ZRANB3: variants seen among roughly 807,000 people sequenced by gnomAD.
ZRANB3 encodes the protein zinc finger RANBP2-type containing 3.
Under a neutral mutation model 133.8 loss-of-function variants are expected in ZRANB3, and 125 were observed. That is an observed-to-expected ratio of 0.93 (90% confidence interval 0.81 to 1.08). The LOEUF (loss-of-function observed/expected upper bound fraction) is 1.08. Ranked by LOEUF, ZRANB3 falls within the 50% of genes least tolerant of loss-of-function variation. The pLI is 0.00. For synonymous variants in ZRANB3, 387 were observed against 432.7 expected, an observed-to-expected ratio of 0.89 and a Z score of 1.31; for missense variants, 1,229 against 1,275.5, an observed-to-expected ratio of 0.96 and a Z score of 0.56.
At chr2:135,497,154 A>G (rs1396875946) in intron 2 of ZRANB3, among the ~76,000 whole-genome samples, 3 of 152,362 alleles carry the variant, frequency 2.0e-5, no homozygotes, top group South Asian at 2.1e-4. Flanking sequence ...CTGTATTATA[A>G]ATATATAAAT....
intron 2 of ZRANB3, among the ~76,000 whole-genome samples, chr2:135,405,633 C>G (rs1052282533): frequency 1.1e-4 from 17 of 152,120 alleles, no homozygotes; most frequent in African/African-American, 3.4e-4. Flanking sequence ...TCAGACCACA[C>G]TGCAATCAAA....
At chr2:135,391,017 C>A (rs562208737) in intron 2 of ZRANB3, among the ~76,000 whole-genome samples, 197 bp from the exon 3 acceptor site, 1 of 151,960 alleles carries the variant, frequency 6.6e-6, no homozygotes, top group Non-Finnish European at 1.5e-5. Flanking sequence ...CGTGTCACCA[C>A]GCCCATCTAA....
Position 135,227,866 on chromosome 2 carries a change from C to T in ZRANB3, c.2104G>A (p.Glu702Lys), listed in dbSNP as rs1390703300. 6.3e-7 allele frequency: 1 copy of T among 1,575,858 alleles called. No individual in the cohort carries two copies. Among genetic ancestry groups the T allele is most frequent in the Admixed American group, 1.8e-5 (1 of 54,142 alleles). ...TCTTTCTCAATTTTTGGTGTTTCTT[C>T]CTTGCTGTCAGCCAACTGGCCAGGT... is the stretch of plus-strand genomic sequence containing the variant. ...SEPGQLADSK[E>K]ETPKIEKEDG... Residue 702 changes from glutamate (E) to lysine (K), a missense_variant, in exon 14 of 21, where the codon GAA becomes AAA. Physicochemically the swap from Glu to Lys is moderately conservative, Grantham distance 56 (BLOSUM62 1). Coordinates refer to ENST00000264159, the MANE Select transcript of ZRANB3 (RefSeq NM_032143.4).
In ZRANB3 at chr2:135,244,622, A is replaced by G. The variant is rs562012542; in HGVS notation, c.1540-13695T>C. Among the ~76,000 whole-genome samples the G allele has an allele frequency of 1.3e-4, 20 of 152,036 alleles. 1 individual carries two copies. The South Asian group carries it at 3.9e-3, about 30-fold the overall frequency. ...ACTCCATCTCAAAAATAAATAAATA[A>G]ATAAATAAATAAATAAACAAACAAA... On this transcript the variant is annotated intron_variant, in intron 12 of 20. Coordinates refer to ENST00000264159, the MANE Select transcript of ZRANB3 (RefSeq NM_032143.4).
chr2:135,353,676 TAAAAG>T, intron 3 of ZRANB3, 48 bp from the exon 4 acceptor site: 1 of 1,198,750 alleles, frequency 8.3e-7, no homozygotes. Flanking sequence ...TAAAATATTT[TAAAAG>T]AAAATATTTA....
chr2:135,229,917 G>A (rs1450681051), intron 13 of ZRANB3, among the ~76,000 whole-genome samples: 7 of 151,818 alleles, frequency 4.6e-5, no homozygotes, highest in African/African-American at 1.5e-4. Context: ...ACATACTTGA[G>A]GTATATTTAT....
chr2:135,503,725 C>T lies in ZRANB3; in HGVS notation c.161+604G>A, dbSNP rs958337216. ...CCTGTAATCCCAGCACTTTGGGAGGCGGGGCAGAAGGATCACTTGAGCCCA... is the reference window on the plus strand; with the variant it reads ...CCTGTAATCCCAGCACTTTGGGAGGTGGGGCAGAAGGATCACTTGAGCCCA... On this transcript the variant is annotated intron_variant, in intron 2 of 20. Coordinates refer to ENST00000264159, the MANE Select transcript of ZRANB3 (RefSeq NM_032143.4). Among the ~76,000 whole-genome samples, 12 of 152,098 alleles carry T rather than the reference C, an allele frequency of 7.9e-5. No homozygotes were observed. The South Asian group carries it at 2.1e-3, about 26-fold the overall frequency.
chr2:135,420,502 C>A (rs920502071), intron 2 of ZRANB3, among the ~76,000 whole-genome samples: 12 of 151,980 alleles, frequency 7.9e-5, no homozygotes, highest in Middle Eastern at 3.4e-3. Flanking sequence ...GTCAAATATA[C>A]CATATAAAAG....
intron 2 of ZRANB3, among the ~76,000 whole-genome samples, chr2:135,401,209 C>A (rs1398455111): frequency 1.3e-5 from 2 of 150,306 alleles, no homozygotes. Flanking sequence ...CACGAGGGAA[C>A]TGATTTCTTT....
intron 13 of ZRANB3, 134 bp downstream of exon 13, chr2:135,230,379 C>T: frequency 1.4e-6 from 1 of 709,756 alleles, no homozygotes; most frequent in South Asian, 5.3e-5. Flanking sequence ...CTATAAGAAG[C>T]TCTTATTCCA....
chr2:135,331,068 C>G (rs1684116105), intron 6 of ZRANB3, among the ~76,000 whole-genome samples: 1 of 152,108 alleles, frequency 6.6e-6, no homozygotes, highest in African/African-American at 2.4e-5. Context: ...CAGTTCTGCT[C>G]TGATATTAGT....
chr2:135,262,190 CTCT>C (rs1272298165), intron 12 of ZRANB3, among the ~76,000 whole-genome samples: 19 of 140,956 alleles, frequency 1.3e-4, no homozygotes, highest in African/African-American at 4.8e-4. Flanking sequence ...ACAAAGAAAA[CTCT>C]TTTTTAAATT....
intron 8 of ZRANB3, among the ~76,000 whole-genome samples, chr2:135,312,238 G>A (rs1683030089): frequency 7.0e-6 from 1 of 142,604 alleles, no homozygotes. Context: ...TTGCTCTGTT[G>A]CCAAAGCTGG....
chr2:135,354,988 C>G (rs936900362), intron 3 of ZRANB3, among the ~76,000 whole-genome samples: 8 of 151,860 alleles, frequency 5.3e-5, no homozygotes, highest in Non-Finnish European at 1.0e-4. Flanking sequence ...AAAAGACAGG[C>G]CCTGTTTACC....
chr2:135,269,197 A>C, intron 10 of ZRANB3, 56 bp from the exon 11 acceptor site: 1 of 1,396,702 alleles, frequency 7.2e-7, no homozygotes, highest in Non-Finnish European at 9.5e-7. Flanking sequence ...ATATATAATA[A>C]AGTATTTCTG....
At chr2:135,473,568 G>A (rs1472079827) in intron 2 of ZRANB3, among the ~76,000 whole-genome samples, 3 of 151,626 alleles carry the variant, frequency 2.0e-5, no homozygotes, top group African/African-American at 7.3e-5. Flanking sequence ...AAGATGGAAA[G>A]GAAAAGAATA....
At chr2:135,444,287 G>A (rs1689921214) in intron 2 of ZRANB3, among the ~76,000 whole-genome samples, 2 of 152,042 alleles carry the variant, frequency 1.3e-5, no homozygotes, top group Non-Finnish European at 2.9e-5. Flanking sequence ...TCATGCCAGA[G>A]AAATGAAAAC....
chr2:135,291,850 G>GT lies in ZRANB3; in HGVS notation c.967-16096dup, dbSNP rs1420563664. Among the ~76,000 whole-genome samples, 3 of 151,800 alleles carry GT rather than the reference G, an allele frequency of 2.0e-5. 1 individual carries two copies. Among genetic ancestry groups the GT allele is most frequent in the East Asian group, 3.9e-4 (2 of 5,164 alleles). ...TATGAGTGAGAACATGCGGTGTTTG[G>GT]TTTTTTCTCCTTGCGATAGTTTGCT... On this transcript the variant is annotated intron_variant, in intron 8 of 20. Transcript: ENST00000264159.
intron 3 of ZRANB3, among the ~76,000 whole-genome samples, chr2:135,369,688 C>G (rs559895426): frequency 1.4e-4 from 21 of 152,272 alleles, no homozygotes; most frequent in African/African-American, 5.1e-4. Flanking sequence ...GTGGGGACCT[C>G]ATAGTCCCAT....
Sources: gnomAD v4.1 joint callset for allele counts (sites outside exome capture counted in the v4.1 genomes callset) on GRCh38, gnomAD v4.1.1 for gene constraint, MANE v1.5 for transcripts, NCBI Gene and HGNC (gene_info 2026-07-23, HGNC 2026-07-21) for gene names.